ANKRD13A: variants seen among roughly 807,000 people sequenced by gnomAD.
ANKRD13A encodes ankyrin repeat domain 13A, also known as ankyrin repeat domain-containing protein 13A.
In ANKRD13A, 48 loss-of-function variants were observed where a neutral mutation model predicts 81.3. The observed-to-expected ratio is 0.59, with a 90% CI of 0.47 to 0.75. The LOEUF is 0.75. Ranked by LOEUF, ANKRD13A falls within the 30% of genes least tolerant of loss-of-function variation. ANKRD13A has a pLI of 0.00. For missense variants in ANKRD13A, 612 were observed against 734.0 expected (o/e 0.83, Z 1.92); for synonymous variants, 230 against 270.1 (o/e 0.85, Z 1.45).
intron 12 of ANKRD13A, among the ~76,000 whole-genome samples, chr12:110,031,918 C>G (rs1891717246): frequency 1.3e-5 from 2 of 151,214 alleles, no homozygotes; most frequent in Admixed American, 6.6e-5. Flanking sequence ...CCTTGTTTAT[C>G]TTGTAACATG....
intron 12 of ANKRD13A, among the ~76,000 whole-genome samples, chr12:110,031,752 G>T (rs781116951): frequency 2.2e-4 from 33 of 152,120 alleles, no homozygotes; most frequent in African/African-American, 7.2e-4. Flanking sequence ...TACAATTCAT[G>T]ATTTTAGATG....
At chr12:110,002,244 A>T (rs1890018868) in intron 1 of ANKRD13A, among the ~76,000 whole-genome samples, 1 of 152,234 alleles carries the variant, frequency 6.6e-6, no homozygotes, top group Admixed American at 6.5e-5. Context: ...CATCATTTGT[A>T]AACCTGGGGA....
intron 1 of ANKRD13A, among the ~76,000 whole-genome samples, chr12:110,010,661 T>C (rs1890472950): frequency 6.6e-6 from 1 of 152,174 alleles, no homozygotes; most frequent in Non-Finnish European, 1.5e-5. Context: ...AGGCCTGGGA[T>C]TGGTCCAGGA....
At position 110,025,808 on chromosome 12, in the gene ANKRD13A, A is replaced by G; in HGVS notation, c.868A>G (p.Lys290Glu). The change falls in exon 8 of 15, where the codon AAA becomes GAA. Residue 290 changes from lysine (K) to glutamate (E), a missense_variant. Lys to Glu is a moderately conservative substitution (Grantham distance 56). Coordinates refer to ENST00000261739, the MANE Select transcript of ANKRD13A (RefSeq NM_033121.2). Reference protein sequence around the residue: ...IRTEHLTEEEKKRYKADRNPL... With the variant: ...IRTEHLTEEEEKRYKADRNPL... ...CACAGAACATCTGACCGAGGAGGAA[A>G]AAAAGAGATATAAAGGTAATCACCA... 6.2e-7 allele frequency: 1 copy of G among 1,613,922 alleles called. No individual in the cohort carries two copies. The highest frequency in any genetic ancestry group is 1.1e-5 in the South Asian group (1 of 91,032).
At chr12:110,033,179 G>A (rs943815143) in intron 12 of ANKRD13A, among the ~76,000 whole-genome samples, 25 of 148,078 alleles carry the variant, frequency 1.7e-4, no homozygotes, top group Non-Finnish European at 3.1e-4. Flanking sequence ...TCAGCCTCCC[G>A]AGTAGCTGGG....
chr12:110,018,524 C>T lies in ANKRD13A; in HGVS notation c.544+36C>T. The T allele has an allele frequency of 6.3e-7, 1 of 1,598,058 alleles. No homozygotes were observed. The highest frequency in any genetic ancestry group is 8.6e-7 in the Non-Finnish European group (1 of 1,168,922). On this transcript the variant is annotated intron_variant, in intron 5 of 14. Transcript: ENST00000261739. The surrounding 1 kb of genome is among the most constrained non-coding windows in gnomAD (Gnocchi z 4.4). Reference sequence around the variant, plus strand: ...TCTCTTGTAGTAATCACTGCTCAAGCAAAATTACAGGGTGATTTTTAACCA... The same window carrying T: ...TCTCTTGTAGTAATCACTGCTCAAGTAAAATTACAGGGTGATTTTTAACCA...
At chr12:110,031,271 G>T (rs1891672878) in intron 12 of ANKRD13A, among the ~76,000 whole-genome samples, 1 of 151,438 alleles carries the variant, frequency 6.6e-6, no homozygotes, top group South Asian at 2.1e-4. Context: ...ATATTAAAAA[G>T]AAAGGATGTT....
Position 110,024,016 on chromosome 12 carries a change from T to C in ANKRD13A, c.735-30T>C, listed in dbSNP as rs769767202. On this transcript the variant is annotated intron_variant, in intron 6 of 14. Transcript: ENST00000261739. ...AAATCTGAATGGCATATTGTACATG[T>C]AGAAATTTGTGGTGTTCACTTTTTA... is the stretch of plus-strand genomic sequence containing the variant. 1.0e-5 allele frequency: 16 copies of C among 1,603,342 alleles called. No individual in the cohort carries two copies. The East Asian group carries it at 3.6e-4, about 36-fold the overall frequency.
In ANKRD13A at chr12:110,028,973, T is replaced by A. The variant is rs537132096; in HGVS notation, c.1076+331T>A. 7.4e-5 allele frequency: 15 copies of A among 202,832 alleles called. No individual in the cohort carries two copies. In the Admixed American group the frequency reaches 8.1e-4, roughly 11 times the overall value. 12.6% of individuals were successfully genotyped at this position (202,832 alleles called of 1,614,324 possible). On this transcript the variant is annotated intron_variant, in intron 10 of 14. Coordinates refer to ENST00000261739, the MANE Select transcript of ANKRD13A (RefSeq NM_033121.2). ...GGCTGGTCTCGAACTCCTGACCTTG[T>A]GATCCGCCCGCCTGGGCCTCCCAAA... is the stretch of plus-strand genomic sequence containing the variant.
Position 110,010,138 on chromosome 12 carries a change from A to T in ANKRD13A, c.97-1867A>T, listed in dbSNP as rs561047872. On this transcript the variant is annotated intron_variant, in intron 1 of 14. Coordinates refer to ENST00000261739, the MANE Select transcript of ANKRD13A (RefSeq NM_033121.2). ...CACCTCGGCCTCCCGAAGTGCTGGG[A>T]TTACAGGCATGAGCCACCGCGCCTG... 3.7e-4 allele frequency among the ~76,000 whole-genome samples: 57 copies of T among 152,340 alleles called. No homozygotes were observed. In the South Asian group the frequency reaches 6.0e-3, roughly 16 times the overall value.
chr12:110,020,094 T>C (rs1327643017), intron 6 of ANKRD13A, among the ~76,000 whole-genome samples: 1 of 152,146 alleles, frequency 6.6e-6, no homozygotes, highest in African/African-American at 2.4e-5. Context: ...CCAAAGTAGC[T>C]TAGCCTGAGA....
intron 1 of ANKRD13A, among the ~76,000 whole-genome samples, chr12:110,005,689 G>C (rs1418345479): frequency 6.6e-6 from 1 of 152,146 alleles, no homozygotes; most frequent in East Asian, 1.9e-4. Flanking sequence ...ATATTCCATT[G>C]CATGGATGTA....
In ANKRD13A at chr12:110,038,818, T is replaced by A. The variant is rs1224732979; in HGVS notation, c.*1264T>A. On this transcript the variant is annotated 3_prime_UTR_variant, in exon 15 of 15. Coordinates refer to ENST00000261739, the MANE Select transcript of ANKRD13A (RefSeq NM_033121.2). ...AACCATCGCACAACATACAGAACCCTGGGGAATACAGCCAAGGGCACTGCT... is the reference window on the plus strand; with the variant it reads ...AACCATCGCACAACATACAGAACCCAGGGGAATACAGCCAAGGGCACTGCT... 2.6e-5 allele frequency: 4 copies of A among 152,298 alleles called. No homozygotes were observed. Among genetic ancestry groups the A allele is most frequent in the Non-Finnish European group, 5.9e-5 (4 of 68,026 alleles). 9.4% of individuals were successfully genotyped at this position (152,298 alleles called of 1,614,324 possible).
At chr12:110,010,349 GT>G (rs1890455623) in intron 1 of ANKRD13A, among the ~76,000 whole-genome samples, 1 of 152,192 alleles carries the variant, frequency 6.6e-6, no homozygotes, top group South Asian at 2.1e-4. Context: ...CTTAGTTTAT[GT>G]AATAGACGTG....
rs746646331 is a variant in ANKRD13A at position 110,028,558 on chromosome 12, C to T, written c.992C>T (p.Thr331Met). The part of the protein sequence containing the change: ...CATANNPTAI[T>M]PDEYFNEEFD... ...ACTGCAAACAACCCCACAGCCATCA[C>T]GCCTGATGAGTACTTCAATGAAGAG... Residue 331 changes from threonine to methionine, a missense_variant, in exon 10 of 15, where the codon ACG becomes ATG. Transcript: ENST00000261739. The T allele has an allele frequency of 3.2e-5, 52 of 1,614,008 alleles. No individual in the cohort carries two copies. The highest frequency in any genetic ancestry group is 4.0e-5 in the Non-Finnish European group (47 of 1,180,026).
chr12:110,022,067 A>G (rs1394573326), intron 6 of ANKRD13A: 1 of 152,184 alleles, frequency 6.6e-6, no homozygotes, highest in African/African-American at 2.4e-5. Context: ...TTTTGCATGC[A>G]AAGTTACCAA....
intron 1 of ANKRD13A, among the ~76,000 whole-genome samples, chr12:110,002,115 T>C (rs1364727076): frequency 1.3e-5 from 2 of 152,138 alleles, no homozygotes; most frequent in Non-Finnish European, 2.9e-5. Context: ...TATACTTCTT[T>C]CAGTAAAAAT....
chr12:110,004,794 T>G (rs1295890022), intron 1 of ANKRD13A, among the ~76,000 whole-genome samples: 1 of 152,210 alleles, frequency 6.6e-6, no homozygotes, highest in Non-Finnish European at 1.5e-5. Flanking sequence ...TGTGGGCGTA[T>G]GATAATAACA....
At chr12:110,033,581 CTG>C (rs578068162) in intron 12 of ANKRD13A, among the ~76,000 whole-genome samples, 142 of 152,170 alleles carry the variant, frequency 9.3e-4, no homozygotes, top group African/African-American at 3.1e-3. Flanking sequence ...TTTTTTATGA[CTG>C]TGTTCGTTGT....
Sources: gnomAD v4.1 joint callset for allele counts (sites outside exome capture counted in the v4.1 genomes callset) on GRCh38, gnomAD v4.1.1 for gene constraint, Gnocchi (gnomAD v3.1) non-coding constraint, MANE v1.5 for transcripts, NCBI Gene and HGNC (gene_info 2026-07-23, HGNC 2026-07-21) for gene names.